The following DENND1A variants were observed in gnomAD, a reference collection of about 807,000 sequenced individuals.
DENND1A encodes the protein DENN domain containing 1A.
DENND1A carries 51 observed loss-of-function variants against 113.7 expected under a neutral mutation model. The observed-to-expected ratio is 0.45, with a 90% confidence interval of 0.36 to 0.57. The LOEUF (loss-of-function observed/expected upper bound fraction) is 0.57, where lower values mean the gene tolerates loss of function less well. Among genes scored for constraint, DENND1A ranks in the 20% least tolerant of loss-of-function variants. The pLI, the probability that DENND1A is intolerant of heterozygous loss-of-function variation, is 0.00. For synonymous variants in DENND1A, 565 were observed against 570.8 expected, an observed-to-expected ratio of 0.99 and a Z score of 0.14; for missense variants, 1,258 against 1,395.9, an observed-to-expected ratio of 0.90 and a Z score of 1.57.
At chr9:123,721,786 TC>T (rs2067359421) in intron 5 of DENND1A, among the ~76,000 whole-genome samples, 1 of 152,186 alleles carries the variant, frequency 6.6e-6, no homozygotes, top group Admixed American at 6.5e-5. Context: ...TTGTGAGGCC[TC>T]CCCAGCCATA....
chr9:123,711,676 C>T (rs1200173994), intron 5 of DENND1A, among the ~76,000 whole-genome samples: 1 of 151,526 alleles, frequency 6.6e-6, no homozygotes, highest in Non-Finnish European at 1.5e-5. Flanking sequence ...CTTCAATGAC[C>T]TCATCATTCT....
chr9:123,728,506 A>AAAAAAAAAAAAAAAAAAAAAAAAAC (rs1564150268), intron 5 of DENND1A, among the ~76,000 whole-genome samples: 2 of 145,902 alleles, frequency 1.4e-5, no homozygotes, highest in African/African-American at 5.4e-5. Context: ...AAAAAAAAAA[A>AAAAAAAAAAAAAAAAAAAAAAAAAC]AAAACAGGCA....
intron 2 of DENND1A, among the ~76,000 whole-genome samples, chr9:123,803,049 A>G (rs1297957454): frequency 6.6e-6 from 1 of 152,124 alleles, no homozygotes; most frequent in Non-Finnish European, 1.5e-5. Flanking sequence ...TTCTCCTTAC[A>G]TAGCTTAAAT....
chr9:123,482,254 T>C (rs78258116), intron 13 of DENND1A, among the ~76,000 whole-genome samples: 154 of 152,294 alleles, frequency 1.0e-3, no homozygotes, highest in African/African-American at 3.7e-3. Flanking sequence ...TGCACCACCA[T>C]GAATGGCTAA....
intron 2 of DENND1A, among the ~76,000 whole-genome samples, chr9:123,875,379 T>C (rs1847297117): frequency 6.6e-6 from 1 of 152,200 alleles, no homozygotes. Flanking sequence ...CATCTGAATA[T>C]TTAAATATTT....
intron 10 of DENND1A, among the ~76,000 whole-genome samples, chr9:123,614,970 G>A (rs142730213): frequency 2.5e-3 from 387 of 152,260 alleles, no homozygotes; most frequent in African/African-American, 7.8e-3. Context: ...GAAATAATGA[G>A]CCTGGCTTTA....
At chr9:123,814,489 T>G (rs1837142409) in intron 2 of DENND1A, among the ~76,000 whole-genome samples, 1 of 152,062 alleles carries the variant, frequency 6.6e-6, no homozygotes, top group African/African-American at 2.4e-5. Context: ...AATGGTCAAG[T>G]AAACAAAAAA....
At chr9:123,628,752 G>A (rs1386399859) in intron 10 of DENND1A, among the ~76,000 whole-genome samples, 1 of 152,074 alleles carries the variant, frequency 6.6e-6, no homozygotes, top group Admixed American at 6.5e-5. Flanking sequence ...AGTATGAAGA[G>A]ACACAGTGAA....
chr9:123,580,851 C>T (rs1461762455), intron 12 of DENND1A, among the ~76,000 whole-genome samples: 1 of 152,202 alleles, frequency 6.6e-6, no homozygotes, highest in African/African-American at 2.4e-5. Context: ...GTTCTGTCAT[C>T]TCTTGCTGCC....
chr9:123,787,608 A>G (rs1227719035), intron 3 of DENND1A, among the ~76,000 whole-genome samples: 1 of 152,204 alleles, frequency 6.6e-6, no homozygotes, highest in Non-Finnish European at 1.5e-5. Flanking sequence ...AAAACTCCAT[A>G]TTTAAGCAAT....
intron 2 of DENND1A, among the ~76,000 whole-genome samples, chr9:123,798,751 CA>C: frequency 8.0e-6 from 1 of 124,266 alleles, no homozygotes; most frequent in South Asian, 2.6e-4. Flanking sequence ...AAAAAAAAAT[CA>C]AAAGGATATG....
At chr9:123,634,366 C>A (rs1460866550) in intron 9 of DENND1A, among the ~76,000 whole-genome samples, 1 of 152,152 alleles carries the variant, frequency 6.6e-6, no homozygotes, top group African/African-American at 2.4e-5. Context: ...TGGCTCTTTT[C>A]CAAAATACTA....
At chr9:123,428,205 G>A (rs2045886293) in intron 19 of DENND1A, among the ~76,000 whole-genome samples, 1 of 152,160 alleles carries the variant, frequency 6.6e-6, no homozygotes, top group Non-Finnish European at 1.5e-5. Flanking sequence ...TATCCACCAT[G>A]ATCAAGTTGG....
intron 21 of DENND1A, chr9:123,400,986 C>T (rs1450870517): frequency 6.6e-6 from 1 of 152,170 alleles, no homozygotes; most frequent in Non-Finnish European, 1.5e-5. Flanking sequence ...CTTTGATATT[C>T]CCAGTGGAGA....
chr9:123,495,027 G>A (rs2051740985), intron 13 of DENND1A, among the ~76,000 whole-genome samples: 1 of 152,166 alleles, frequency 6.6e-6, no homozygotes, highest in South Asian at 2.1e-4. Flanking sequence ...CCTGACCTCA[G>A]GTGATCTGCC....
chr9:123,523,196 A>G (rs1588970559), intron 13 of DENND1A, among the ~76,000 whole-genome samples: 1 of 152,152 alleles, frequency 6.6e-6, no homozygotes. Context: ...TAGGTCTGTT[A>G]GCTGTGTTGT....
chr9:123,680,925 G>A (rs542284823), intron 5 of DENND1A, among the ~76,000 whole-genome samples: 20 of 152,288 alleles, frequency 1.3e-4, no homozygotes, highest in African/African-American at 4.8e-4. Context: ...GAGAATGCTG[G>A]TCCACAGCAG....
intron 5 of DENND1A, among the ~76,000 whole-genome samples, chr9:123,705,473 G>C (rs948170048): frequency 6.6e-6 from 1 of 152,030 alleles, no homozygotes; most frequent in African/African-American, 2.4e-5. Flanking sequence ...ACTAGAATTA[G>C]GTAGCTGGGC....
chr9:123,624,099 G>T (rs777895356), intron 10 of DENND1A, among the ~76,000 whole-genome samples: 10 of 152,224 alleles, frequency 6.6e-5, no homozygotes, highest in Non-Finnish European at 1.5e-4. Context: ...TTCCTGTGCA[G>T]TGAGTAAATT....
Sources: gnomAD v4.1 joint callset for allele counts (sites outside exome capture counted in the v4.1 genomes callset) on GRCh38, gnomAD v4.1.1 for gene constraint, MANE v1.5 for transcripts, NCBI Gene and HGNC (gene_info 2026-07-23, HGNC 2026-07-21) for gene names.